The following CNTN1 variants were observed in gnomAD, a reference collection of about 807,000 sequenced individuals.
The protein encoded by CNTN1 is contactin 1.
Under a neutral mutation model 126.4 loss-of-function variants are expected in CNTN1, and 38 were observed. The observed-to-expected ratio is 0.30, with a 90% confidence interval of 0.23 to 0.39. CNTN1 has a LOEUF of 0.39. Ranked by LOEUF, CNTN1 falls within the 10% of genes least tolerant of loss-of-function variation. CNTN1 has a pLI of 1.00. For missense variants in CNTN1, 1,009 were observed against 1,248.4 expected, an observed-to-expected ratio of 0.81 and a Z score of 2.89; for synonymous variants, 413 against 422.6, an observed-to-expected ratio of 0.98 and a Z score of 0.28.
intron 1 of CNTN1, among the ~76,000 whole-genome samples, chr12:40,816,539 C>T (rs112496973): frequency 0.023 from 3,461 of 150,020 alleles, 128 homozygotes; most frequent in African/African-American, 0.079. Flanking sequence ...ATTCTTCTCT[C>T]TCTTCTTCTC....
chr12:41,062,436 G>C (rs1949955017), intron 23 of CNTN1, among the ~76,000 whole-genome samples: 1 of 152,116 alleles, frequency 6.6e-6, no homozygotes, highest in Admixed American at 6.5e-5. Flanking sequence ...AGATTTGCAA[G>C]TTTTACATCT....
chr12:40,995,872 G>T (rs1290384609), intron 17 of CNTN1, among the ~76,000 whole-genome samples: 2 of 152,192 alleles, frequency 1.3e-5, no homozygotes, highest in African/African-American at 4.8e-5. Context: ...GTCAGACACA[G>T]TGCTTAGTTC....
chr12:40,877,815 G>T (rs1230614443), intron 1 of CNTN1, among the ~76,000 whole-genome samples: 1 of 151,844 alleles, frequency 6.6e-6, no homozygotes, highest in Non-Finnish European at 1.5e-5. Context: ...TCACAATCAG[G>T]ATTAAAGCTT....
intron 1 of CNTN1, among the ~76,000 whole-genome samples, chr12:40,724,059 C>T (rs1942287786): frequency 6.6e-6 from 1 of 151,910 alleles, no homozygotes; most frequent in Non-Finnish European, 1.5e-5. Context: ...TATACTATTC[C>T]TTGTATGTTG....
intron 1 of CNTN1, among the ~76,000 whole-genome samples, chr12:40,774,530 G>A (rs1434890657): frequency 1.3e-5 from 2 of 151,608 alleles, no homozygotes; most frequent in African/African-American, 4.8e-5. Flanking sequence ...TCTCCTCCAA[G>A]GAGAGAAAAA....
chr12:41,016,343 C>G (rs1168072172), intron 18 of CNTN1, among the ~76,000 whole-genome samples: 1 of 151,868 alleles, frequency 6.6e-6, no homozygotes, highest in African/African-American at 2.4e-5. Flanking sequence ...AACCTGTGGT[C>G]GGAGAAAACG....
Position 40,918,846 on chromosome 12 carries a change from C to T in CNTN1, c.227+75C>T, listed in dbSNP as rs1945337032. The T allele has an allele frequency of 4.5e-6, 7 of 1,543,268 alleles. No individual in the cohort carries two copies. In the South Asian group the frequency reaches 6.7e-5, roughly 15 times the overall value. On this transcript the variant is annotated intron_variant, in intron 4 of 23. Coordinates refer to ENST00000551295, the MANE Select transcript of CNTN1 (RefSeq NM_001843.4). Reference sequence around the variant, plus strand: ...ACAGATCAGCATCTATGAACTTGTACAGATGTAATATAGTGCTTTCTGCAA... The same window carrying T: ...ACAGATCAGCATCTATGAACTTGTATAGATGTAATATAGTGCTTTCTGCAA...
chr12:40,910,173 TA>T (rs1944976025), intron 3 of CNTN1, 68 bp downstream of exon 3: 1 of 1,229,618 alleles, frequency 8.1e-7, no homozygotes, highest in African/African-American at 1.5e-5. Flanking sequence ...ATCTCTGCTT[TA>T]AACTATTAAC....
intron 17 of CNTN1, among the ~76,000 whole-genome samples, chr12:40,993,666 T>A (rs138181461): frequency 5.4e-4 from 82 of 152,270 alleles, no homozygotes; most frequent in African/African-American, 1.8e-3. Context: ...ATTTAGAAGG[T>A]TCATAATTCT....
At chr12:41,063,070 T>C (rs1949971502) in intron 23 of CNTN1, among the ~76,000 whole-genome samples, 1 of 152,122 alleles carries the variant, frequency 6.6e-6, no homozygotes. Flanking sequence ...CACCAGGCCT[T>C]TCTGTACAAA....
intron 17 of CNTN1, among the ~76,000 whole-genome samples, chr12:41,004,221 G>A (rs1308198942): frequency 1.3e-5 from 2 of 152,128 alleles, no homozygotes; most frequent in African/African-American, 4.8e-5. Context: ...TTCAGGAGCA[G>A]TTATTCAATT....
chr12:40,826,904 G>C (rs1941631816), intron 1 of CNTN1, among the ~76,000 whole-genome samples: 1 of 152,154 alleles, frequency 6.6e-6, no homozygotes, highest in African/African-American at 2.4e-5. Flanking sequence ...TGTATAAAAA[G>C]AGGCTTTGGG....
intron 6 of CNTN1, among the ~76,000 whole-genome samples, chr12:40,927,389 G>A (rs897615854): frequency 1.1e-4 from 16 of 151,996 alleles, no homozygotes; most frequent in Admixed American, 9.8e-4. Context: ...TCCGTAAGTC[G>A]GAGAGTCAGC....
At chr12:40,801,949 A>C (rs1398411889) in intron 1 of CNTN1, among the ~76,000 whole-genome samples, 1 of 151,860 alleles carries the variant, frequency 6.6e-6, no homozygotes, top group Non-Finnish European at 1.5e-5. Flanking sequence ...GGTTATTGAC[A>C]ATGAAGATCA....
intron 7 of CNTN1, among the ~76,000 whole-genome samples, chr12:40,932,804 C>T (rs1010060029): frequency 6.6e-6 from 1 of 151,970 alleles, no homozygotes; most frequent in African/African-American, 2.4e-5. Flanking sequence ...GTCTCTTTAG[C>T]ATTTTACAGT....
chr12:40,995,507 CT>C (rs796743808), intron 17 of CNTN1, among the ~76,000 whole-genome samples: 30 of 152,190 alleles, frequency 2.0e-4, no homozygotes, highest in African/African-American at 6.5e-4. Flanking sequence ...AGAGTATTTC[CT>C]GCTCTAAAGG....
intron 14 of CNTN1, among the ~76,000 whole-genome samples, chr12:40,949,407 A>C (rs1350002989): frequency 2.7e-5 from 4 of 146,062 alleles, no homozygotes; most frequent in South Asian, 2.2e-4. Flanking sequence ...ATATCTCCCG[A>C]TGCTATCCCT....
At chr12:40,896,291 GT>G (rs201899994) in intron 1 of CNTN1, among the ~76,000 whole-genome samples, 26 of 151,102 alleles carry the variant, frequency 1.7e-4, no homozygotes, top group African/African-American at 4.6e-4. Flanking sequence ...TATAAGGTAT[GT>G]TTTTTTTTCC....
chr12:40,826,843 G>A (rs1941628655), intron 1 of CNTN1, among the ~76,000 whole-genome samples: 1 of 152,114 alleles, frequency 6.6e-6, no homozygotes, highest in Admixed American at 6.6e-5. Flanking sequence ...TGATCAGGTG[G>A]AATGACATAG....
Sources: allele counts gnomAD v4.1 joint callset (sites outside exome capture counted in the v4.1 genomes callset), GRCh38; gene constraint gnomAD v4.1.1; transcripts MANE v1.5; gene names NCBI Gene and HGNC (gene_info 2026-07-23, HGNC 2026-07-21).